TRPM3: variants seen among roughly 807,000 people sequenced by gnomAD.
TRPM3 encodes long transient receptor potential channel 3.
TRPM3 carries 77 observed loss-of-function variants against 181.2 expected under a neutral mutation model. The ratio of observed to expected loss-of-function variants is 0.42; its 90% confidence interval spans 0.35 to 0.51. TRPM3 has a LOEUF of 0.51. Among genes scored for constraint, TRPM3 ranks in the 20% least tolerant of loss-of-function variants. The pLI is 0.01. For missense variants in TRPM3, 1,759 were observed against 2,196.7 expected (o/e 0.80, Z 3.98); for synonymous variants, 745 against 796.4 (o/e 0.94, Z 1.09).
At chr9:71,384,309 A>G (rs151128014) in intron 1 of TRPM3, among the ~76,000 whole-genome samples, 2 of 152,324 alleles carry the variant, frequency 1.3e-5, no homozygotes, top group East Asian at 3.9e-4. Context: ...GGTAGTACAA[A>G]TATTTAAGAA....
At chr9:71,263,408 G>A (rs1317256708) in intron 1 of TRPM3, among the ~76,000 whole-genome samples, 1 of 152,168 alleles carries the variant, frequency 6.6e-6, no homozygotes, top group Non-Finnish European at 1.5e-5. Context: ...AAGACTGCGA[G>A]AAAGAAAAAC....
intron 5 of TRPM3, among the ~76,000 whole-genome samples, chr9:70,841,002 T>G (rs915724134): frequency 2.0e-5 from 3 of 152,212 alleles, no homozygotes; most frequent in Non-Finnish European, 4.4e-5. Flanking sequence ...AAAATGACTT[T>G]TGAATCAACA....
At chr9:70,600,995 G>A (rs1054905643) in intron 20 of TRPM3, among the ~76,000 whole-genome samples, 2 of 152,130 alleles carry the variant, frequency 1.3e-5, no homozygotes, top group Admixed American at 6.5e-5. Flanking sequence ...TCCACCTCTC[G>A]AACCAGCCCT....
In TRPM3 at chr9:70,846,586, C is replaced by A; in HGVS notation, c.468G>T (p.Val156=). 1.2e-6 allele frequency: 2 copies of A among 1,613,868 alleles called. No homozygotes were observed. The highest frequency in any genetic ancestry group is 2.2e-5 in the South Asian group (2 of 91,074). The change falls in exon 4 of 26, where the codon GTG becomes GTT. Residue 156 remains valine (V), a synonymous_variant. Coordinates refer to ENST00000677713, the MANE Select transcript of TRPM3 (RefSeq NM_001366145.2). ...GGGHSNKAMY[V]RVSFDTKPDL... ...CAGGTTTTGTATCAAAAGATACTCG[C>A]ACATACTGGAAGAAGAAAGGACATC...
At chr9:71,429,845 G>A (rs976616658) in intron 1 of TRPM3, among the ~76,000 whole-genome samples, 1 of 152,114 alleles carries the variant, frequency 6.6e-6, no homozygotes, top group African/African-American at 2.4e-5. Flanking sequence ...CTCTTTGGCT[G>A]CCTTCTTGTT....
intron 1 of TRPM3, among the ~76,000 whole-genome samples, chr9:71,288,282 T>A (rs1310547253): frequency 6.6e-6 from 1 of 151,980 alleles, no homozygotes; most frequent in African/African-American, 2.4e-5. Context: ...CATAATATTG[T>A]CTACGATAAA....
chr9:70,693,143 AC>A (rs765222337), intron 8 of TRPM3, among the ~76,000 whole-genome samples: 14 of 152,172 alleles, frequency 9.2e-5, no homozygotes, highest in Non-Finnish European at 2.1e-4. Flanking sequence ...CTAGATGACA[AC>A]GTGTCGTCTA....
chr9:70,739,784 A>G (rs2073614164), intron 8 of TRPM3, among the ~76,000 whole-genome samples: 1 of 151,866 alleles, frequency 6.6e-6, no homozygotes, highest in Non-Finnish European at 1.5e-5. Flanking sequence ...TGTCTGGTAA[A>G]TTTTTGTATT....
intron 21 of TRPM3, among the ~76,000 whole-genome samples, 192 bp from the exon 22 acceptor site, chr9:70,591,397 C>G (rs1445198356): frequency 6.6e-6 from 1 of 152,136 alleles, no homozygotes; most frequent in Non-Finnish European, 1.5e-5. Flanking sequence ...CCACAGAATT[C>G]TATCAGTGAC....
intron 1 of TRPM3, among the ~76,000 whole-genome samples, chr9:70,972,544 G>A (rs977133552): frequency 6.6e-6 from 1 of 152,124 alleles, no homozygotes; most frequent in African/African-American, 2.4e-5. Context: ...TCTGGAATTC[G>A]AGAGTGATGA....
chr9:70,621,889 T>C (rs1234650395), intron 14 of TRPM3, among the ~76,000 whole-genome samples: 1 of 152,170 alleles, frequency 6.6e-6, no homozygotes, highest in Non-Finnish European at 1.5e-5. Context: ...ATAATGTCTT[T>C]TGTGAACCAA....
At chr9:71,066,926 A>G (rs2062003174) in intron 1 of TRPM3, among the ~76,000 whole-genome samples, 3 of 152,096 alleles carry the variant, frequency 2.0e-5, no homozygotes, top group African/African-American at 7.2e-5. Context: ...TTCATAACCC[A>G]TATCAGTTAT....
chr9:71,194,957 A>G (rs2078255365), intron 1 of TRPM3, among the ~76,000 whole-genome samples: 1 of 152,032 alleles, frequency 6.6e-6, no homozygotes, highest in Admixed American at 6.6e-5. Flanking sequence ...GGATCATGAC[A>G]TATACATCAC....
chr9:71,293,239 AG>A (rs951567853), intron 1 of TRPM3, among the ~76,000 whole-genome samples: 2 of 151,790 alleles, frequency 1.3e-5, no homozygotes, highest in Non-Finnish European at 3.0e-5. Flanking sequence ...AATGACACAC[AG>A]AAAATGCCCA....
At chr9:70,784,502 T>C (rs116989632) in intron 6 of TRPM3, among the ~76,000 whole-genome samples, 145 of 152,204 alleles carry the variant, frequency 9.5e-4, no homozygotes, top group Non-Finnish European at 1.8e-3. Context: ...TCCCCTCAAC[T>C]CTCAGGATGC....
chr9:70,872,954 T>C (rs1387711779), intron 1 of TRPM3, among the ~76,000 whole-genome samples: 1 of 151,958 alleles, frequency 6.6e-6, no homozygotes, highest in Non-Finnish European at 1.5e-5. Flanking sequence ...ATTTTTCTTT[T>C]GATAGTTAGG....
chr9:70,813,472 G>A (rs185345906), intron 6 of TRPM3, among the ~76,000 whole-genome samples: 31 of 151,768 alleles, frequency 2.0e-4, no homozygotes, highest in Admixed American at 1.9e-3. Flanking sequence ...AATCTTGGGT[G>A]CATACAAACA....
At chr9:70,795,475 C>G (rs2086785481) in intron 6 of TRPM3, among the ~76,000 whole-genome samples, 1 of 152,170 alleles carries the variant, frequency 6.6e-6, no homozygotes, top group Non-Finnish European at 1.5e-5. Flanking sequence ...CTCTGGCAAA[C>G]AAATAATTTG....
chr9:71,002,888 A>G (rs1490242964), intron 1 of TRPM3, among the ~76,000 whole-genome samples: 1 of 152,176 alleles, frequency 6.6e-6, no homozygotes, highest in Non-Finnish European at 1.5e-5. Flanking sequence ...TATAATATTG[A>G]TAAGTATGAT....
Sources: gnomAD v4.1 joint callset for allele counts (sites outside exome capture counted in the v4.1 genomes callset) on GRCh38, gnomAD v4.1.1 for gene constraint, MANE v1.5 for transcripts, NCBI Gene and HGNC (gene_info 2026-07-23, HGNC 2026-07-21) for gene names.